Variants in ZNF34 observed in about 807,000 individuals in gnomAD.
ZNF34 encodes zinc finger protein 34 (KOX 32).
Under a neutral mutation model 14.4 loss-of-function variants are expected in ZNF34, and 8 were observed. The observed-to-expected ratio is 0.55, with a 90% confidence interval of 0.33 to 1.00. The LOEUF is 1.00. Among genes scored for constraint, ZNF34 ranks in the 50% least tolerant of loss-of-function variants. ZNF34 has a pLI of 0.03. For missense variants in ZNF34, 538 were observed against 674.2 expected (o/e 0.80, Z 2.24); for synonymous variants, 235 against 247.9 (o/e 0.95, Z 0.49).
intron 1 of ZNF34, among the ~76,000 whole-genome samples, chr8:144,781,478 G>C (rs1057326141): frequency 6.6e-6 from 1 of 151,964 alleles, no homozygotes; most frequent in Non-Finnish European, 1.5e-5. Context: ...GGATGGTCTT[G>C]ATCTCCTGAC....
rs981720495 is a variant in ZNF34 at position 144,779,125 on chromosome 8, T to C, written c.-54-600A>G. On this transcript the variant is annotated intron_variant, in intron 2 of 5. Coordinates refer to ENST00000429371, the MANE Select transcript of ZNF34 (RefSeq NM_001286769.2). The surrounding 1 kb of genome is among the most constrained non-coding windows in gnomAD (Gnocchi z 4.1). The stretch of plus-strand genomic sequence containing the variant: ...AAAACCCCTTGTGGCTTGGATGGAA[T>C]CCAGGGCTCAGGGCACAAAACCCCT... 2.0e-5 allele frequency among the ~76,000 whole-genome samples: 3 copies of C among 151,380 alleles called. No individual in the cohort carries two copies. The highest frequency in any genetic ancestry group is 7.3e-5 in the African/African-American group (3 of 41,134).
At chr8:144,776,368 G>A (rs1302847957) in intron 5 of ZNF34, among the ~76,000 whole-genome samples, 3 of 150,876 alleles carry the variant, frequency 2.0e-5, no homozygotes, top group South Asian at 2.1e-4. Context: ...GGGAGGCCAA[G>A]GTGGGAGGAT....
Position 144,777,477 on chromosome 8 carries a change from G to A in ZNF34, c.261C>T (p.His87=). 6.4e-7 allele frequency: 1 copy of A among 1,551,976 alleles called. No individual in the cohort carries two copies. Among genetic ancestry groups the A allele is most frequent in the Non-Finnish European group, 8.7e-7 (1 of 1,147,156 alleles). ...ACGCACCTGGGCTGTTGACTCTCAG[G>A]TGCTCTTTCCCAGAGGTGCCCTGAA... ...LDVQGTSGKE[H]LRVNSPALGT... is the part of the protein sequence containing the mutation. The change falls in exon 5 of 6, where the codon CAC becomes CAT. Residue 87 remains histidine, a synonymous_variant. Transcript: ENST00000429371. This position sits in a 1 kb window ranked among gnomAD's most constrained non-coding sequence, Gnocchi z 4.8.
Position 144,773,055 on chromosome 8 carries a change from A to C in ZNF34, c.*211T>G. ...TTTTTTTCTAAGTGGGAGAGATCAC[A>C]GAAGCTTCTTTTTTGCCCACTTTTC... On this transcript the variant is annotated 3_prime_UTR_variant, in exon 6 of 6. Coordinates refer to ENST00000429371, the MANE Select transcript of ZNF34 (RefSeq NM_001286769.2). The surrounding 1 kb of genome is among the most constrained non-coding windows in gnomAD (Gnocchi z 5.4). 2.0e-5 allele frequency: 10 copies of C among 496,234 alleles called. No individual in the cohort carries two copies. The highest frequency in any genetic ancestry group is 1.7e-5 in the Non-Finnish European group (5 of 292,248). 30.7% of individuals were successfully genotyped at this position (496,234 alleles called of 1,614,324 possible).
intron 1 of ZNF34, among the ~76,000 whole-genome samples, chr8:144,786,293 ATATGTAGATTTTTAAGAGACAAAAACAG>A (rs1324852052): frequency 3.3e-5 from 5 of 151,208 alleles, no homozygotes; most frequent in African/African-American, 9.7e-5. Context: ...TCTGCCATAC[ATATGTAGATTTTTAAGAGACAAAAACAG>A]TATTAGGTTT....
intron 1 of ZNF34, among the ~76,000 whole-genome samples, chr8:144,781,463 G>T (rs547953175): frequency 6.6e-6 from 1 of 151,836 alleles, no homozygotes; most frequent in South Asian, 2.1e-4. Flanking sequence ...TCACCGTGCT[G>T]GCCAGGATGG....
chr8:144,774,681 C>T, intron 5 of ZNF34, 76 bp from the exon 6 acceptor site: 1 of 1,502,890 alleles, frequency 6.7e-7, no homozygotes. Flanking sequence ...TGCTGGCCAC[C>T]TGTGGGGAAC....
chr8:144,778,343 A>G (rs748989143), intron 3 of ZNF34, 96 bp downstream of exon 3: 47 of 1,388,702 alleles, frequency 3.4e-5, no homozygotes, highest in Admixed American at 1.6e-4. Context: ...CACCCCTACC[A>G]TCATGTCAGC....
Position 144,780,168 on chromosome 8 carries a change from G to T in ZNF34, c.-55+60C>A, listed in dbSNP as rs1042645719. 5.3e-5 allele frequency: 72 copies of T among 1,370,184 alleles called. No individual in the cohort carries two copies. In the South Asian group the frequency reaches 8.6e-4, roughly 16 times the overall value. The allele number at this position is 1,370,184 out of a possible 1,614,324, so 84.9% of individuals were successfully genotyped here. A position where few individuals can be genotyped will look rare whatever the true frequency, so the allele number is the denominator to read the frequency against. On this transcript the variant is annotated intron_variant, in intron 2 of 5. Transcript: ENST00000429371. ...GCTGTGATCGCACCACTGCACTCCA[G>T]CCTGGGCAACAAAGCAAAACCCTGT... is the stretch of plus-strand genomic sequence containing the variant.
chr8:144,784,870 C>T (rs559851986), intron 1 of ZNF34, among the ~76,000 whole-genome samples: 1 of 152,074 alleles, frequency 6.6e-6, no homozygotes, highest in Admixed American at 6.6e-5. Flanking sequence ...CACCTGTAAT[C>T]TCAGTGCTTT....
In ZNF34 at chr8:144,774,285, T is replaced by C; in HGVS notation, c.601A>G (p.Thr201Ala). ...TCCCCAGAGTTACGAACTGTATTTG[T>C]TTTTTTTGACCTGTGTACACGCTTA... ...NHKRVHRSKK[T>A]NTVRNSGEIF... The change falls in exon 6 of 6, where the codon ACA (threonine) becomes GCA (alanine). Residue 201 changes from threonine (T) to alanine (A), a missense_variant. Physicochemically the swap from Thr to Ala is moderately conservative, Grantham distance 58. This residue lies in a region of ZNF34 where 431 missense variants were observed against 525.7 expected (regional missense o/e 0.82). Transcript: ENST00000429371. 6.2e-7 allele frequency: 1 copy of C among 1,611,432 alleles called. No individual in the cohort carries two copies. Among genetic ancestry groups the C allele is most frequent in the South Asian group, 1.1e-5 (1 of 90,824 alleles).
Position 144,778,042 on chromosome 8 carries a change from T to C in ZNF34, c.156A>G (p.Ser52=). 1 of 1,613,950 alleles carries C rather than the reference T, an allele frequency of 6.2e-7. No homozygotes were observed. The highest frequency in any genetic ancestry group is 8.5e-7 in the Non-Finnish European group (1 of 1,179,912). Residue 52 remains serine, a synonymous_variant, in exon 4 of 6, where the codon TCA becomes TCG. Coordinates refer to ENST00000429371, the MANE Select transcript of ZNF34 (RefSeq NM_001286769.2). ...GAGTTCTGGTGAGGGCCTTACCCAG[T>C]GAGACTAGGTTCCCGTAGGTCTCCA... The part of the protein sequence containing the change: ...VMLETYGNLV[S]LGVGPAGPKP...
rs371130852 is a variant in ZNF34 at position 144,778,160 on chromosome 8, T to C, written c.38A>G (p.Glu13Gly). 1.9e-6 allele frequency: 3 copies of C among 1,611,840 alleles called. No homozygotes were observed. In the African/African-American group the frequency reaches 4.0e-5, roughly 22 times the overall value. The change falls in exon 4 of 6, where the codon GAG becomes GGG. Residue 13 changes from glutamate (E) to glycine (G), a missense_variant. Around this residue, in one of 3 missense-constraint regions of ZNF34, gnomAD observed 431 missense variants for 525.7 expected, o/e 0.82. Coordinates refer to ENST00000429371, the MANE Select transcript of ZNF34 (RefSeq NM_001286769.2). ...CACAGCCACGTCCTCGAAGGTCACC[T>C]CGGCCTGGAATGACAGGGACTACTG... The part of the protein sequence containing the change: ...ALFLSAPPQA[E>G]VTFEDVAVYL...
chr8:144,782,095 G>A (rs575786089), intron 1 of ZNF34, among the ~76,000 whole-genome samples: 1 of 151,846 alleles, frequency 6.6e-6, no homozygotes, highest in East Asian at 1.9e-4. Context: ...AGGCTGAGGC[G>A]GGTGGATCAC....
rs779660027 is a variant in ZNF34 at position 144,778,497 on chromosome 8, G to A, written c.-26C>T. 6 of 1,588,408 alleles carry A rather than the reference G, an allele frequency of 3.8e-6. No homozygotes were observed. The Admixed American group carries it at 1.1e-4, about 29-fold the overall frequency. On this transcript the variant is annotated 5_prime_UTR_variant, in exon 3 of 6. Transcript: ENST00000429371. ...TGCCTGAGGGTTGGGCTTTCTGAGG[G>A]CAGTGAGCAGGAGCTGGTCACTGAG... is the stretch of plus-strand genomic sequence containing the variant.
rs147093336 is a variant in ZNF34, at chr8:144,778,547, A to G, written c.-54-22T>C. 376 of 1,530,294 alleles carry G rather than the reference A, an allele frequency of 2.5e-4. 3 individuals are homozygous for G. In the East Asian group the frequency reaches 5.6e-3, roughly 23 times the overall value. The allele number at this position is 1,530,294 out of a possible 1,614,324, so 94.8% of individuals were successfully genotyped here. On this transcript the variant is annotated intron_variant, in intron 2 of 5. Transcript: ENST00000429371. ...GGAGCTGAGGGAAGAGAACGCAACA[A>G]GTGGAGGCCCAGTCTGGCCCCTTCT...
Position 144,778,449 on chromosome 8 carries a change from G to T in ZNF34, c.23C>A (p.Ala8Asp). 1 of 1,582,232 alleles carries T rather than the reference G, an allele frequency of 6.3e-7. No individual in the cohort carries two copies. Among genetic ancestry groups the T allele is most frequent in the South Asian group, 1.2e-5 (1 of 85,966 alleles). The change falls in exon 3 of 6, where the codon GCC (alanine) becomes GAC (aspartate). Residue 8 changes from alanine to aspartate, a missense_variant. Ala to Asp is a moderately radical substitution (Grantham distance 126). Coordinates refer to ENST00000429371, the MANE Select transcript of ZNF34 (RefSeq NM_001286769.2). ...AGGACAGACACTCACCTGGGGTGGG[G>T]CAGACAGGAACAAGGCCGCCATTGC... MAALFLS[A>D]PPQAEVTFED... is the part of the protein sequence containing the mutation.
chr8:144,786,628 C>T (rs755136351), intron 1 of ZNF34, among the ~76,000 whole-genome samples: 2 of 150,020 alleles, frequency 1.3e-5, no homozygotes, highest in Non-Finnish European at 3.0e-5. Context: ...AGCGAGACTC[C>T]GTCTCAGAAA....
intron 1 of ZNF34, among the ~76,000 whole-genome samples, chr8:144,783,158 G>T (rs1378748571): frequency 2.6e-5 from 4 of 152,116 alleles, no homozygotes; most frequent in African/African-American, 9.7e-5. Context: ...GCACATGCCT[G>T]TAGTCCCAGC....
Sources: gnomAD v4.1 joint callset for allele counts (sites outside exome capture counted in the v4.1 genomes callset) on GRCh38, gnomAD v4.1.1 for gene constraint, gnomAD v4.1.1 regional missense constraint, Gnocchi (gnomAD v3.1) non-coding constraint, MANE v1.5 for transcripts, NCBI Gene and HGNC (gene_info 2026-07-23, HGNC 2026-07-21) for gene names.